The following THRAP3 variants were observed in gnomAD, a reference collection of about 807,000 sequenced individuals.
The protein encoded by THRAP3 is thyroid hormone receptor associated protein 3, also known as thyroid hormone receptor-associated protein 3.
In THRAP3, 16 loss-of-function variants were observed where a neutral mutation model predicts 101.0. That is an observed-to-expected ratio of 0.16 (90% CI 0.11 to 0.24). The LOEUF (loss-of-function observed/expected upper bound fraction) is 0.24. Among genes scored for constraint, THRAP3 ranks in the 10% least tolerant of loss-of-function variants. The pLI is 1.00. For synonymous variants in THRAP3, 407 were observed against 422.6 expected (o/e 0.96, Z 0.45); for missense variants, 989 against 1,202.7 (o/e 0.82, Z 2.63).
chr1:36,274,625 C>CTTTTTTTTTTTTT (rs573419051), intron 2 of THRAP3, among the ~76,000 whole-genome samples: 2 of 59,320 alleles, frequency 3.4e-5, no homozygotes, highest in African/African-American at 6.4e-5. Flanking sequence ...ATTAATTGGG[C>CTTTTTTTTTTTTT]TTTTTTTTTT....
intron 3 of THRAP3, among the ~76,000 whole-genome samples, chr1:36,284,978 A>G (rs1182917473): frequency 6.6e-6 from 1 of 152,212 alleles, no homozygotes; most frequent in Non-Finnish European, 1.5e-5. Context: ...AGTAAGATAT[A>G]TCTTTGCCAG....
intron 1 of THRAP3, among the ~76,000 whole-genome samples, chr1:36,242,447 T>C (rs1645172444): frequency 1.6e-5 from 2 of 127,534 alleles, no homozygotes; most frequent in South Asian, 2.6e-4. Context: ...GCCGTCTGTT[T>C]TGATTTTTTT....
chr1:36,253,369 G>C (rs2358724), intron 1 of THRAP3, among the ~76,000 whole-genome samples: 134,331 of 152,172 alleles, frequency 0.88, 61,714 homozygotes, highest in Non-Finnish European at 1. Flanking sequence ...TGGAGATTTA[G>C]TTTACACATG....
chr1:36,218,441 G>C, the THRAP3 span, among the ~76,000 whole-genome samples: 2 of 138,584 alleles, frequency 1.4e-5, no homozygotes, highest in Non-Finnish European at 3.1e-5. Flanking sequence ...AAAAAGCCAG[G>C]CGCAGTTGCT....
upstream of THRAP3, among the ~76,000 whole-genome samples, chr1:36,223,492 C>T (rs974690915): frequency 6.6e-6 from 1 of 152,200 alleles, no homozygotes; most frequent in Admixed American, 6.6e-5. Context: ...TGTGGGAACA[C>T]AGGCATAGGG....
chr1:36,255,781 AAAAAG>A (rs1274884614), intron 1 of THRAP3, among the ~76,000 whole-genome samples: 2 of 151,488 alleles, frequency 1.3e-5, no homozygotes, highest in South Asian at 4.2e-4. Flanking sequence ...TCAAAAAAAA[AAAAAG>A]AAAAGAAAGA....
At chr1:36,264,887 A>G (rs1213598905) in intron 2 of THRAP3, among the ~76,000 whole-genome samples, 1 of 152,154 alleles carries the variant, frequency 6.6e-6, no homozygotes, top group African/African-American at 2.4e-5. Flanking sequence ...ACAGCTCTGG[A>G]GGCTAGAAAT....
At chr1:36,294,699 C>T (rs934370926) in intron 8 of THRAP3, among the ~76,000 whole-genome samples, 1 of 152,148 alleles carries the variant, frequency 6.6e-6, no homozygotes, top group Non-Finnish European at 1.5e-5. Flanking sequence ...CTCTTCTCTC[C>T]CACCCGTCTT....
chr1:36,252,275 G>A (rs574101654), intron 1 of THRAP3, among the ~76,000 whole-genome samples: 1 of 152,266 alleles, frequency 6.6e-6, no homozygotes, highest in South Asian at 2.1e-4. Context: ...ATAGGCATGT[G>A]CCACCATGCC....
At chr1:36,257,660 A>G (rs893850370) in intron 1 of THRAP3, among the ~76,000 whole-genome samples, 1 of 152,350 alleles carries the variant, frequency 6.6e-6, no homozygotes, top group African/African-American at 2.4e-5. Context: ...AGATTTGCTT[A>G]TTCACTCATC....
Position 36,303,979 on chromosome 1 carries a change from C to T in THRAP3, c.2830C>T (p.Arg944Ter), listed in dbSNP as rs1309164961. ...IEDDESGTEN[R>*]EEKDNIQPTT... ...AGACGACGAGAGTGGGACAGAGAAC[C>T]GAGAAGAGAAGGACAATATACAGCC... Residue 944 changes from arginine (R) to a stop codon, truncating the protein, a stop_gained, in exon 12 of 12, where the codon CGA (arginine) becomes TGA (stop). Coordinates refer to ENST00000354618, the MANE Select transcript of THRAP3 (RefSeq NM_005119.4). LOFTEE classifies it high-confidence loss of function. 3.1e-6 allele frequency: 5 copies of T among 1,599,750 alleles called. No homozygotes were observed. Among genetic ancestry groups the T allele is most frequent in the African/African-American group, 1.3e-5 (1 of 74,280 alleles).
At chr1:36,279,143 G>A (rs1207455200) in intron 2 of THRAP3, among the ~76,000 whole-genome samples, 1 of 152,036 alleles carries the variant, frequency 6.6e-6, no homozygotes, top group Middle Eastern at 3.2e-3. Context: ...TCATCTTAAT[G>A]AAAATTAGCT....
chr1:36,305,145 A>G lies in THRAP3; in HGVS notation c.*1128A>G, dbSNP rs535620455. 89 of 219,386 alleles carry G rather than the reference A, an allele frequency of 4.1e-4. No homozygotes were observed. The Middle Eastern group carries it at 4.2e-3, about 10-fold the overall frequency. 13.6% of individuals were successfully genotyped at this position (219,386 alleles called of 1,614,324 possible). A position where few individuals can be genotyped will look rare whatever the true frequency, so the allele number is the denominator to read the frequency against. ...GTCCTGAGCAGGTGAATCATAAGGC[A>G]TTTATGCATATGTTATATGCGGACT... On this transcript the variant is annotated 3_prime_UTR_variant, in exon 12 of 12. Transcript: ENST00000354618.
At chr1:36,266,393 G>A (rs1645515350) in intron 2 of THRAP3, among the ~76,000 whole-genome samples, 1 of 152,150 alleles carries the variant, frequency 6.6e-6, no homozygotes, top group Non-Finnish European at 1.5e-5. Context: ...TCATCCTTGA[G>A]ATAAGCAGTG....
rs1022513940 is a variant in THRAP3 at position 36,268,978 on chromosome 1, G to A, written c.-32+9494G>A. On this transcript the variant is annotated intron_variant, in intron 2 of 11. Transcript: ENST00000354618. ...TGGCCTCAGGTGATCCACCTGCCTC[G>A]GCCTCTGAAAGTGCTGGGATTACAG... 3.9e-5 allele frequency among the ~76,000 whole-genome samples: 6 copies of A among 152,400 alleles called. No individual in the cohort carries two copies. The South Asian group carries it at 6.2e-4, about 16-fold the overall frequency.
Position 36,305,022 on chromosome 1 carries a change from C to G in THRAP3, c.*1005C>G. The G allele has an allele frequency of 5.1e-6, 1 of 195,038 alleles. No individual in the cohort carries two copies. The highest frequency in any genetic ancestry group is 7.5e-5 in the East Asian group (1 of 13,326). The allele number at this position is 195,038 out of a possible 1,614,324, so 12.1% of individuals were successfully genotyped here. A position where few individuals can be genotyped will look rare whatever the true frequency, so the allele number is the denominator to read the frequency against. Reference sequence around the variant, plus strand: ...TGGGTTTCTTTTTTTTTTTCTTTGTCTTTTTAACCTTAAGCTGTTTAAGTT... The same window carrying G: ...TGGGTTTCTTTTTTTTTTTCTTTGTGTTTTTAACCTTAAGCTGTTTAAGTT... On this transcript the variant is annotated 3_prime_UTR_variant, in exon 12 of 12. Coordinates refer to ENST00000354618, the MANE Select transcript of THRAP3 (RefSeq NM_005119.4).
At chr1:36,248,841 G>A (rs148564194) in intron 1 of THRAP3, among the ~76,000 whole-genome samples, 3 of 151,796 alleles carry the variant, frequency 2.0e-5, no homozygotes, top group African/African-American at 2.4e-5. Flanking sequence ...CAGGCATTGC[G>A]TTAGGTGTTG....
chr1:36,298,292 A>G (rs1273610337), intron 9 of THRAP3, among the ~76,000 whole-genome samples: 1 of 152,148 alleles, frequency 6.6e-6, no homozygotes, highest in Non-Finnish European at 1.5e-5. Context: ...AGAACCTGCG[A>G]ATCCTCAGCA....
At chr1:36,213,989 GAAA>G in the THRAP3 span, among the ~76,000 whole-genome samples, 4 of 88,996 alleles carry the variant, frequency 4.5e-5, no homozygotes, top group African/African-American at 2.4e-4. Context: ...AAGAAAGAAA[GAAA>G]GAAAGGAAAG....
Sources: allele counts gnomAD v4.1 joint callset (sites outside exome capture counted in the v4.1 genomes callset), GRCh38; gene constraint gnomAD v4.1.1; transcripts MANE v1.5; gene names NCBI Gene and HGNC (gene_info 2026-07-23, HGNC 2026-07-21).